Variants in CSMD2 observed in about 807,000 individuals in gnomAD.
The protein encoded by CSMD2 is CUB and sushi domain-containing protein 2.
Under a neutral mutation model 398.5 loss-of-function variants are expected in CSMD2, and 130 were observed. The observed-to-expected ratio is 0.33, with a 90% CI of 0.28 to 0.38. The LOEUF (loss-of-function observed/expected upper bound fraction) is 0.38. Among genes scored for constraint, CSMD2 ranks in the 10% least tolerant of loss-of-function variants. The probability of loss-of-function intolerance (pLI) is 1.00; values close to 1 mark genes in which losing one functional copy is unlikely to be tolerated. For synonymous variants in CSMD2, 1,828 were observed against 1,908.5 expected (o/e 0.96, Z 1.10); for missense variants, 3,829 against 4,764.9 (o/e 0.80, Z 5.78).
intron 3 of CSMD2, among the ~76,000 whole-genome samples, chr1:34,000,203 A>G (rs908585247): frequency 7.9e-5 from 12 of 152,110 alleles, no homozygotes; most frequent in African/African-American, 2.9e-4. Context: ...CCTCAAAAGG[A>G]CTTCAATAAA....
chr1:33,999,854 T>C (rs9425977), intron 3 of CSMD2, among the ~76,000 whole-genome samples: 10,179 of 152,314 alleles, frequency 0.067, 422 homozygotes, highest in Middle Eastern at 0.14. Flanking sequence ...ATAGCATTAA[T>C]GTCCTTCAAG....
intron 14 of CSMD2, 52 bp downstream of exon 14, chr1:33,743,228 C>T (rs1315223178): frequency 1.3e-6 from 2 of 1,485,932 alleles, no homozygotes; most frequent in Non-Finnish European, 9.2e-7. Flanking sequence ...CGATCATCCT[C>T]AGAGGCAGAC....
chr1:33,879,791 G>A lies in CSMD2; in HGVS notation c.921-32795C>T, dbSNP rs527765186. On this transcript the variant is annotated intron_variant, in intron 5 of 70. Coordinates refer to ENST00000373381, the MANE Select transcript of CSMD2 (RefSeq NM_001281956.2). ...CATTCTTCTGATCCTCCTTCTTCTT[G>A]TCCGTGTAAAGGGTGAATTAAAACC... Among the ~76,000 whole-genome samples the A allele has an allele frequency of 7.2e-5, 11 of 152,244 alleles. No individual in the cohort carries two copies. The East Asian group carries it at 1.9e-3, about 27-fold the overall frequency.
chr1:34,004,773 T>C (rs924318517), intron 3 of CSMD2, among the ~76,000 whole-genome samples: 1 of 152,122 alleles, frequency 6.6e-6, no homozygotes, highest in Non-Finnish European at 1.5e-5. Context: ...CAAGTATTCC[T>C]ATGGCCTGGT....
At chr1:33,615,838 G>A (rs994756685) in intron 39 of CSMD2, among the ~76,000 whole-genome samples, 37 of 152,192 alleles carry the variant, frequency 2.4e-4, no homozygotes, top group Admixed American at 5.9e-4. Context: ...AAATGCCATC[G>A]TGCTTGAGTG....
chr1:33,666,691 G>T (rs1644327599), intron 25 of CSMD2, among the ~76,000 whole-genome samples: 1 of 151,958 alleles, frequency 6.6e-6, no homozygotes, highest in Non-Finnish European at 1.5e-5. Context: ...GTAAGGCTGG[G>T]GCCCCACATT....
At chr1:33,749,807 G>A (rs1275596140) in intron 13 of CSMD2, among the ~76,000 whole-genome samples, 1 of 152,160 alleles carries the variant, frequency 6.6e-6, no homozygotes, top group African/African-American at 2.4e-5. Context: ...TTAGCATGAA[G>A]GGAAAAACCT....
intron 53 of CSMD2, among the ~76,000 whole-genome samples, chr1:33,566,529 G>T (rs1321878943): frequency 1.3e-5 from 2 of 152,112 alleles, no homozygotes; most frequent in African/African-American, 4.8e-5. Context: ...GGTTAAGTTA[G>T]CTTATAAGGC....
chr1:33,608,340 T>G (rs890246589), intron 41 of CSMD2, among the ~76,000 whole-genome samples: 1 of 151,978 alleles, frequency 6.6e-6, no homozygotes, highest in African/African-American at 2.4e-5. Context: ...TTGTCTAGGG[T>G]GAAGGCACAG....
At chr1:33,885,731 A>G (rs1175550544) in intron 5 of CSMD2, among the ~76,000 whole-genome samples, 1 of 152,136 alleles carries the variant, frequency 6.6e-6, no homozygotes, top group Non-Finnish European at 1.5e-5. Flanking sequence ...CTGTGCCCAT[A>G]TTTCTTACAA....
chr1:33,916,107 T>C (rs1428203443), intron 5 of CSMD2, among the ~76,000 whole-genome samples: 1 of 152,204 alleles, frequency 6.6e-6, no homozygotes, highest in Non-Finnish European at 1.5e-5. Context: ...AATGATATTA[T>C]TATCAGACCT....
chr1:33,600,094 C>T, intron 44 of CSMD2: 1 of 687,888 alleles, frequency 1.5e-6, no homozygotes, highest in Non-Finnish European at 2.7e-6. Context: ...TTACAGGTCA[C>T]AAACTCCAAG....
intron 3 of CSMD2, among the ~76,000 whole-genome samples, chr1:33,981,508 A>G (rs1646165303): frequency 6.6e-6 from 1 of 152,228 alleles, no homozygotes; most frequent in South Asian, 2.1e-4. Flanking sequence ...TGTTTTGAGT[A>G]CTTTTACCTA....
chr1:34,158,201 A>C (rs1228586185), intron 1 of CSMD2, among the ~76,000 whole-genome samples: 1 of 152,220 alleles, frequency 6.6e-6, no homozygotes, highest in East Asian at 1.9e-4. Context: ...CCCACGTTGC[A>C]TAGCCCACTC....
chr1:33,545,448 T>G (rs571100145), intron 57 of CSMD2, among the ~76,000 whole-genome samples: 1 of 152,216 alleles, frequency 6.6e-6, no homozygotes, highest in Non-Finnish European at 1.5e-5. Flanking sequence ...GTCTCTTCCC[T>G]TAGACTGTAA....
rs201438222 is a variant in CSMD2, at chr1:34,032,624, T to C, written c.487A>G (p.Ser163Gly). 32 of 1,599,300 alleles carry C rather than the reference T, an allele frequency of 2.0e-5. No individual in the cohort carries two copies. Among genetic ancestry groups the C allele is most frequent in the Non-Finnish European group, 2.6e-5 (30 of 1,173,234 alleles). Residue 163 changes from serine (S) to glycine (G), a missense_variant, in exon 3 of 71, where the codon AGT (serine) becomes GGT (glycine). Physicochemically the swap from Ser to Gly is moderately conservative, Grantham distance 56 (BLOSUM62 0). Transcript: ENST00000373381. The stretch of plus-strand genomic sequence containing the variant: ...TAGGTGGCGTGGAAGCCTTGGGCAC[T>C]GACTGCATAGTCGCTGATGAGGCGC... ...SLRLISDYAV[S>G]AQGFHATYEV...
intron 1 of CSMD2, among the ~76,000 whole-genome samples, chr1:34,091,301 T>C (rs942815041): frequency 6.6e-6 from 1 of 152,218 alleles, no homozygotes; most frequent in Non-Finnish European, 1.5e-5. Context: ...TGTTTGTATT[T>C]ACTTAGTGTT....
chr1:33,890,575 C>T, intron 5 of CSMD2, among the ~76,000 whole-genome samples: 1 of 151,808 alleles, frequency 6.6e-6, no homozygotes, highest in East Asian at 1.9e-4. Flanking sequence ...TTTTTTTCAG[C>T]CCGCATCGCC....
intron 10 of CSMD2, among the ~76,000 whole-genome samples, chr1:33,798,160 T>C (rs571935369): frequency 6.6e-6 from 1 of 152,180 alleles, no homozygotes; most frequent in Non-Finnish European, 1.5e-5. Context: ...TTAACTAACA[T>C]GCAGATCAAT....
Sources: allele counts gnomAD v4.1 joint callset (sites outside exome capture counted in the v4.1 genomes callset), GRCh38; gene constraint gnomAD v4.1.1; transcripts MANE v1.5; gene names NCBI Gene and HGNC (gene_info 2026-07-23, HGNC 2026-07-21).